ANKMY1: variants seen among roughly 807,000 people sequenced by gnomAD.
The protein encoded by ANKMY1 is ankyrin repeat and MYND domain-containing protein 1.
A neutral mutation model predicts 102.0 loss-of-function variants in ANKMY1; 98 were observed. That is an observed-to-expected ratio of 0.96 (90% CI 0.82 to 1.14). The LOEUF (loss-of-function observed/expected upper bound fraction) is 1.14, where lower values mean the gene tolerates loss of function less well. Among genes scored for constraint, ANKMY1 ranks in the 50% most tolerant of loss-of-function variants. The pLI is 0.00. For synonymous variants in ANKMY1, 582 were observed against 559.9 expected (o/e 1.04, Z -0.56); for missense variants, 1,330 against 1,347.6 (o/e 0.99, Z 0.20).
intron 9 of ANKMY1, among the ~76,000 whole-genome samples, 200 bp from the exon 10 acceptor site, chr2:240,513,142 C>T (rs554862267): frequency 7.9e-4 from 120 of 152,352 alleles, no homozygotes; most frequent in African/African-American, 2.7e-3. Flanking sequence ...GCAAGACATA[C>T]ATGTTGCTTC....
intron 1 of ANKMY1, among the ~76,000 whole-genome samples, chr2:240,557,647 C>T (rs892712974): frequency 6.6e-6 from 1 of 152,230 alleles, no homozygotes; most frequent in African/African-American, 2.4e-5. Context: ...CAGGCCCGCA[C>T]CCACTATCGC....
intron 4 of ANKMY1, among the ~76,000 whole-genome samples, chr2:240,547,631 A>G (rs1318034312): frequency 2.7e-5 from 4 of 149,094 alleles, no homozygotes; most frequent in Admixed American, 2.7e-4. Flanking sequence ...CTAATAAAGA[A>G]AAAAAGAGAG....
Position 240,520,252 on chromosome 2 carries a change from C to T in ANKMY1, c.2004+110G>A. ...CATCACTCACAGCCCAGGTGGTCGC[C>T]TGCAAGAGCCCACCCCTCTCTTCCG... is the stretch of plus-strand genomic sequence containing the variant. On this transcript the variant is annotated intron_variant, in intron 9 of 17. Coordinates refer to ENST00000401804, the MANE Select transcript of ANKMY1 (RefSeq NM_001282771.3). This position sits in a 1 kb window ranked among gnomAD's most constrained non-coding sequence, Gnocchi z 4.8. The T allele has an allele frequency of 6.8e-7, 1 of 1,467,530 alleles. No homozygotes were observed. 90.9% of individuals were successfully genotyped at this position (1,467,530 alleles called of 1,614,324 possible).
intron 14 of ANKMY1, 127 bp from the exon 15 acceptor site, chr2:240,500,250 C>T (rs2152035024): frequency 7.8e-7 from 1 of 1,289,634 alleles, no homozygotes; most frequent in East Asian, 2.5e-5. Context: ...CAGACAGACA[C>T]ACAAAGCTGG....
At chr2:240,528,303 C>CA (rs56375102) in intron 5 of ANKMY1, among the ~76,000 whole-genome samples, 10,928 of 141,888 alleles carry the variant, frequency 0.077, 562 homozygotes, top group Non-Finnish European at 0.11. Context: ...ACCCCCCCCC[C>CA]AAAAAAATTA....
intron 4 of ANKMY1, among the ~76,000 whole-genome samples, chr2:240,536,907 TAGAG>T (rs2086912106): frequency 1.3e-5 from 2 of 152,160 alleles, no homozygotes; most frequent in Admixed American, 6.5e-5. Flanking sequence ...TTAAAATAAA[TAGAG>T]AGAGGGTCTC....
At chr2:240,514,897 C>T (rs574158280) in intron 9 of ANKMY1, among the ~76,000 whole-genome samples, 10 of 152,316 alleles carry the variant, frequency 6.6e-5, no homozygotes, top group Admixed American at 4.6e-4. Context: ...CCTGGGTTAC[C>T]AGTGGATGGG....
In ANKMY1 at chr2:240,506,016, C is replaced by G. The variant is rs2152106473; in HGVS notation, c.2526+1544G>C. On this transcript the variant is annotated intron_variant, in intron 13 of 17. Coordinates refer to ENST00000401804, the MANE Select transcript of ANKMY1 (RefSeq NM_001282771.3). The surrounding 1 kb of genome is among the most constrained non-coding windows in gnomAD (Gnocchi z 4.9). ...AGGGTTGGCAGCACTACCAGGTTCC[C>G]TAACCCCGGATGAGGCACCGGGGAG... Among the ~76,000 whole-genome samples, 1 of 152,270 alleles carries G rather than the reference C, an allele frequency of 6.6e-6. No individual in the cohort carries two copies. Among genetic ancestry groups the G allele is most frequent in the East Asian group, 1.9e-4 (1 of 5,154 alleles).
rs2082402778 is a variant in ANKMY1, at chr2:240,522,054, T to TA, written c.1833-1522dup. 6 of 152,340 alleles carry TA rather than the reference T, an allele frequency of 3.9e-5. No individual in the cohort carries two copies. In the South Asian group the frequency reaches 1.2e-3, roughly 32 times the overall value. 9.4% of individuals were successfully genotyped at this position (152,340 alleles called of 1,614,324 possible). ...GGGGAGCCTGGCGGTGGCCAGCTTT[T>TA]ATTCCCTTTTTTGGCCCCGCCCACA... On this transcript the variant is annotated intron_variant, in intron 8 of 17. Coordinates refer to ENST00000401804, the MANE Select transcript of ANKMY1 (RefSeq NM_001282771.3).
chr2:240,495,832 C>T (rs775083626), intron 15 of ANKMY1, among the ~76,000 whole-genome samples: 7 of 152,224 alleles, frequency 4.6e-5, no homozygotes, highest in Admixed American at 3.9e-4. Context: ...CTACTCACCT[C>T]TTCCCTATAT....
Position 240,529,597 on chromosome 2 carries a change from A to G in ANKMY1, c.481-88T>C, listed in dbSNP as rs1045899918. On this transcript the variant is annotated intron_variant, in intron 4 of 17. Transcript: ENST00000401804. The surrounding 1 kb of genome is among the most constrained non-coding windows in gnomAD (Gnocchi z 4.2). The stretch of plus-strand genomic sequence containing the variant: ...TTTGTAACGTCAAAAGAAATCCCAA[A>G]AAAGAAAACTTTCCCAAGAAATGCA... The G allele has an allele frequency of 1.2e-5, 16 of 1,294,532 alleles. No individual in the cohort carries two copies. The highest frequency in any genetic ancestry group is 1.7e-5 in the Non-Finnish European group (16 of 963,952). 80.2% of individuals were successfully genotyped at this position (1,294,532 alleles called of 1,614,324 possible). A position where few individuals can be genotyped will look rare whatever the true frequency, so the allele number is the denominator to read the frequency against.
intron 15 of ANKMY1, among the ~76,000 whole-genome samples, chr2:240,495,821 C>T (rs928916550): frequency 1.3e-5 from 2 of 152,192 alleles, no homozygotes; most frequent in African/African-American, 4.8e-5. Flanking sequence ...GGCCCCTACA[C>T]CTACTCACCT....
chr2:240,507,633 A>C lies in ANKMY1; in HGVS notation c.2453T>G (p.Leu818Trp). The C allele has an allele frequency of 6.2e-7, 1 of 1,611,998 alleles. No homozygotes were observed. Among genetic ancestry groups the C allele is most frequent in the Non-Finnish European group, 8.5e-7 (1 of 1,178,972 alleles). ...ACAGGCAACACACAGGGCACTGCCC[A>C]AGCCTTTGGTCAGGGGCAGGTTGGG... ...ADPNLPLTKG[L>W]GSALCVACDL... is the part of the protein sequence containing the mutation. Residue 818 changes from leucine to tryptophan, a missense_variant, in exon 13 of 18, where the codon TTG becomes TGG. Physicochemically the swap from Leu to Trp is moderately conservative, Grantham distance 61 (BLOSUM62 -2). Coordinates refer to ENST00000401804, the MANE Select transcript of ANKMY1 (RefSeq NM_001282771.3).
intron 4 of ANKMY1, chr2:240,532,017 C>T: frequency 2.3e-6 from 1 of 440,274 alleles, no homozygotes; most frequent in African/African-American, 2.1e-5. Context: ...GTGAGTAGGT[C>T]TAACATACCT....
intron 4 of ANKMY1, among the ~76,000 whole-genome samples, chr2:240,546,617 T>A (rs983886631): frequency 6.6e-6 from 1 of 151,898 alleles, no homozygotes; most frequent in Non-Finnish European, 1.5e-5. Flanking sequence ...AGGAAACCCA[T>A]CCCACGTGCA....
chr2:240,478,166 A>ATTGAAGCTGAGCACATGCCGCCATGT (rs2074984949), downstream of ANKMY1, among the ~76,000 whole-genome samples: 1 of 152,074 alleles, frequency 6.6e-6, no homozygotes. Context: ...TTCCGCCATG[A>ATTGAAGCTGAGCACATGCCGCCATGT]TTGAAGCTGA....
At chr2:240,510,493 T>G (rs1559285053) in intron 11 of ANKMY1, among the ~76,000 whole-genome samples, 1 of 151,890 alleles carries the variant, frequency 6.6e-6, no homozygotes, top group Non-Finnish European at 1.5e-5. Flanking sequence ...GGACCTGACC[T>G]CTGCGACTCC....
chr2:240,554,756 C>T (rs1575384901), intron 3 of ANKMY1, 110 bp downstream of exon 3: 12 of 1,283,146 alleles, frequency 9.4e-6, no homozygotes, highest in Non-Finnish European at 1.2e-5. Context: ...TAGCCTAGCA[C>T]CCTTCCTGTT....
At chr2:240,553,118 T>C (rs1057301330) in intron 3 of ANKMY1, 61 bp from the exon 4 acceptor site, 35 of 1,577,432 alleles carry the variant, frequency 2.2e-5, no homozygotes, top group Non-Finnish European at 2.8e-5. Context: ...GGGATGCCCT[T>C]GAGGCTGAGC....
Sources: allele counts gnomAD v4.1 joint callset (sites outside exome capture counted in the v4.1 genomes callset), GRCh38; gene constraint gnomAD v4.1.1; non-coding constraint Gnocchi (gnomAD v3.1); transcripts MANE v1.5; gene names NCBI Gene and HGNC (gene_info 2026-07-23, HGNC 2026-07-21).